The following PXDNL variants were observed in gnomAD, a reference collection of about 807,000 sequenced individuals.
PXDNL encodes the protein probable oxidoreductase PXDNL.
In PXDNL, 145 loss-of-function variants were observed where a neutral mutation model predicts 150.8. The observed-to-expected ratio is 0.96, with a 90% CI of 0.84 to 1.10. The LOEUF (loss-of-function observed/expected upper bound fraction) is 1.10. Ranked by LOEUF, PXDNL falls within the 50% of genes least tolerant of loss-of-function variation. PXDNL has a pLI of 0.00. For synonymous variants in PXDNL, 757 were observed against 725.7 expected (o/e 1.04, Z -0.69); for missense variants, 2,087 against 1,873.9 (o/e 1.11, Z -2.10).
At chr8:51,402,048 G>A (rs1808263458) in intron 17 of PXDNL, among the ~76,000 whole-genome samples, 1 of 152,208 alleles carries the variant, frequency 6.6e-6, no homozygotes, top group South Asian at 2.1e-4. Context: ...GACAAAGACA[G>A]AGAATGCAAG....
chr8:51,805,811 A>G (rs1176493542), intron 1 of PXDNL, among the ~76,000 whole-genome samples: 1 of 152,210 alleles, frequency 6.6e-6, no homozygotes, highest in Non-Finnish European at 1.5e-5. Context: ...GCAGTCACTG[A>G]GTCCATTTCT....
intron 17 of PXDNL, among the ~76,000 whole-genome samples, chr8:51,384,514 A>T (rs1807642870): frequency 6.6e-6 from 1 of 151,764 alleles, no homozygotes; most frequent in East Asian, 1.9e-4. Flanking sequence ...AATTTCCTCA[A>T]AAATCTTAAG....
chr8:51,684,891 C>A (rs185586962), intron 1 of PXDNL, among the ~76,000 whole-genome samples: 1 of 152,226 alleles, frequency 6.6e-6, no homozygotes, highest in Admixed American at 6.5e-5. Flanking sequence ...CAACAGCCTG[C>A]GTGGCCTGCA....
chr8:51,746,752 C>T (rs2036988332), intron 1 of PXDNL, among the ~76,000 whole-genome samples: 1 of 152,200 alleles, frequency 6.6e-6, no homozygotes, highest in South Asian at 2.1e-4. Context: ...GGCAAACTCT[C>T]ACTCTGTGGC....
At chr8:51,437,158 G>C (rs1809427121) in intron 12 of PXDNL, among the ~76,000 whole-genome samples, 1 of 152,114 alleles carries the variant, frequency 6.6e-6, no homozygotes, top group Admixed American at 6.5e-5. Context: ...GGAAGAAATA[G>C]AAACTCTGAA....
intron 12 of PXDNL, among the ~76,000 whole-genome samples, chr8:51,444,904 T>A (rs1809639631): frequency 7.9e-6 from 1 of 126,864 alleles, no homozygotes; most frequent in South Asian, 2.5e-4. Flanking sequence ...TAACAAATAT[T>A]ATTTTTCTAT....
At position 51,381,192 on chromosome 8, in the gene PXDNL, G is replaced by A. The variant is rs182941237; in HGVS notation, c.3558-6461C>T. ...TTTGCATTCCCTAAATGACTCCATG[G>A]GCCTTTGGAACCACCCAAATTACAT... is the stretch of plus-strand genomic sequence containing the variant. On this transcript the variant is annotated intron_variant, in intron 17 of 22. Transcript: ENST00000356297. 4.9e-4 allele frequency among the ~76,000 whole-genome samples: 75 copies of A among 152,170 alleles called. 1 individual carries two copies. The highest frequency in any genetic ancestry group is 1.7e-3 in the African/African-American group (72 of 41,518).
At chr8:51,483,784 C>T in intron 5 of PXDNL, 70 bp from the exon 6 acceptor site, 1 of 898,738 alleles carries the variant, frequency 1.1e-6, no homozygotes, top group Non-Finnish European at 1.7e-6. Context: ...ACCTTTCTTT[C>T]ACCTAACTGT....
chr8:51,634,389 A>T (rs1814557885), intron 2 of PXDNL, among the ~76,000 whole-genome samples: 1 of 152,106 alleles, frequency 6.6e-6, no homozygotes, highest in Non-Finnish European at 1.5e-5. Context: ...ATAGCCTCAT[A>T]ATATAGTTTG....
intron 15 of PXDNL, among the ~76,000 whole-genome samples, chr8:51,411,805 T>G (rs1021164524): frequency 6.6e-6 from 1 of 152,128 alleles, no homozygotes; most frequent in Non-Finnish European, 1.5e-5. Flanking sequence ...TTTCCCTGAG[T>G]GTAATCTCCT....
intron 12 of PXDNL, among the ~76,000 whole-genome samples, chr8:51,430,109 C>T (rs1809215452): frequency 6.6e-6 from 1 of 152,198 alleles, no homozygotes; most frequent in African/African-American, 2.4e-5. Flanking sequence ...GCTTTCACCT[C>T]CTGACACAAC....
At chr8:51,368,283 CAG>C (rs1236777811) in intron 19 of PXDNL, among the ~76,000 whole-genome samples, 2 of 152,190 alleles carry the variant, frequency 1.3e-5, no homozygotes, top group African/African-American at 4.8e-5. Context: ...AGCTAAGTGA[CAG>C]AAATCCCAGC....
intron 8 of PXDNL, among the ~76,000 whole-genome samples, chr8:51,461,343 C>A (rs1810078575): frequency 6.6e-6 from 1 of 152,242 alleles, no homozygotes; most frequent in Non-Finnish European, 1.5e-5. Flanking sequence ...TTTCTGCTAG[C>A]CACAGCCTCT....
intron 20 of PXDNL, among the ~76,000 whole-genome samples, chr8:51,341,119 G>T (rs955042817): frequency 6.6e-6 from 1 of 152,220 alleles, no homozygotes; most frequent in African/African-American, 2.4e-5. Context: ...AGGTAGATGG[G>T]TGCAGGATGT....
At chr8:51,534,296 C>T (rs1811998972) in intron 4 of PXDNL, among the ~76,000 whole-genome samples, 1 of 146,434 alleles carries the variant, frequency 6.8e-6, no homozygotes, top group Non-Finnish European at 1.5e-5. Context: ...GGCAGCCACC[C>T]CGTCTGGGAA....
chr8:51,773,574 T>G (rs1372557483), intron 1 of PXDNL, among the ~76,000 whole-genome samples: 1 of 152,184 alleles, frequency 6.6e-6, no homozygotes, highest in Non-Finnish European at 1.5e-5. Flanking sequence ...CCTTCTAGAA[T>G]TTGTTCCCAA....
chr8:51,552,534 A>T (rs1174163485), intron 4 of PXDNL, among the ~76,000 whole-genome samples: 1 of 152,196 alleles, frequency 6.6e-6, no homozygotes, highest in Non-Finnish European at 1.5e-5. Context: ...ACTTGCAGCA[A>T]CCTGGATGGA....
intron 1 of PXDNL, among the ~76,000 whole-genome samples, chr8:51,752,344 T>A (rs2037053696): frequency 6.6e-6 from 1 of 152,062 alleles, no homozygotes; most frequent in Non-Finnish European, 1.5e-5. Context: ...TAATCCTAAA[T>A]GGGTCCTGTT....
chr8:51,367,013 A>T, intron 19 of PXDNL, among the ~76,000 whole-genome samples: 1 of 147,968 alleles, frequency 6.8e-6, no homozygotes, highest in African/African-American at 2.5e-5. Flanking sequence ...AGGCAGGGGA[A>T]TCGCTTAAAC....
Sources: allele counts gnomAD v4.1 joint callset (sites outside exome capture counted in the v4.1 genomes callset), GRCh38; gene constraint gnomAD v4.1.1; transcripts MANE v1.5; gene names NCBI Gene and HGNC (gene_info 2026-07-23, HGNC 2026-07-21).